NTRK3: variants seen among roughly 807,000 people sequenced by gnomAD.
NTRK3 encodes the protein NT-3 growth factor receptor.
Under a neutral mutation model 91.7 loss-of-function variants are expected in NTRK3, and 24 were observed. The ratio of observed to expected loss-of-function variants is 0.26; its 90% CI spans 0.19 to 0.37. NTRK3 has a LOEUF of 0.37. NTRK3 is among the 10% of genes least tolerant of loss of function. The pLI is 1.00. For missense variants in NTRK3, 880 were observed against 1,068.9 expected, an observed-to-expected ratio of 0.82 and a Z score of 2.46; for synonymous variants, 483 against 404.0, an observed-to-expected ratio of 1.20 and a Z score of -2.34.
chr15:88,213,055 T>C (rs564869613), intron 3 of NTRK3, among the ~76,000 whole-genome samples: 5 of 152,200 alleles, frequency 3.3e-5, no homozygotes, highest in Non-Finnish European at 7.3e-5. Context: ...GTTTAAGCCA[T>C]AGTAAAAATG....
At chr15:88,093,284 T>G (rs1040417774) in intron 13 of NTRK3, among the ~76,000 whole-genome samples, 1 of 152,028 alleles carries the variant, frequency 6.6e-6, no homozygotes, top group Non-Finnish European at 1.5e-5. Flanking sequence ...CAATTCTGTC[T>G]GCAGGGAGTG....
At chr15:88,175,241 C>A (rs947210637) in intron 5 of NTRK3, among the ~76,000 whole-genome samples, 1 of 152,196 alleles carries the variant, frequency 6.6e-6, no homozygotes, top group Non-Finnish European at 1.5e-5. Flanking sequence ...ATCTTCCCAA[C>A]AAGACGCCAG....
intron 13 of NTRK3, among the ~76,000 whole-genome samples, chr15:88,104,624 C>T (rs1472819339): frequency 2.0e-5 from 3 of 152,186 alleles, no homozygotes. Flanking sequence ...GTGTCTGCCC[C>T]TTCCTGGCTG....
chr15:88,078,851 G>T (rs1258548492), intron 13 of NTRK3, among the ~76,000 whole-genome samples: 1 of 152,244 alleles, frequency 6.6e-6, no homozygotes, highest in Non-Finnish European at 1.5e-5. Context: ...ACAGCAAAAA[G>T]GCTGATGTGG....
At chr15:87,931,331 GAA>G in intron 16 of NTRK3, 1 of 441,830 alleles carries the variant, frequency 2.3e-6, no homozygotes, top group South Asian at 1.7e-5. Flanking sequence ...CGAATATTGA[GAA>G]AGAGTGTTGC....
At chr15:87,880,096 T>C (rs183580262) in intron 18 of NTRK3, among the ~76,000 whole-genome samples, 174 bp downstream of exon 19, 5 of 151,934 alleles carry the variant, frequency 3.3e-5, no homozygotes, top group African/African-American at 1.2e-4. Context: ...CCACATTTCC[T>C]ACAGTTCCAT....
At chr15:87,883,792 T>C (rs1332191929) in intron 17 of NTRK3, among the ~76,000 whole-genome samples, 1 of 151,172 alleles carries the variant, frequency 6.6e-6, no homozygotes, top group Non-Finnish European at 1.5e-5. Flanking sequence ...AAAGTTGTCT[T>C]TGGGCAATTA....
intron 13 of NTRK3, among the ~76,000 whole-genome samples, chr15:88,108,255 C>T (rs1299038789): frequency 1.3e-5 from 2 of 152,338 alleles, no homozygotes; most frequent in East Asian, 3.9e-4. Flanking sequence ...CCCAAATACA[C>T]TCCTGCCATT....
At chr15:88,052,271 G>A (rs2080905435) in intron 13 of NTRK3, among the ~76,000 whole-genome samples, 1 of 152,244 alleles carries the variant, frequency 6.6e-6, no homozygotes, top group African/African-American at 2.4e-5. Context: ...GTCCTGGAGA[G>A]AGGCTGGGTG....
intron 3 of NTRK3, among the ~76,000 whole-genome samples, chr15:88,200,730 T>A (rs139982051): frequency 9.3e-4 from 141 of 152,306 alleles, no homozygotes; most frequent in African/African-American, 3.3e-3. Context: ...CTTTCCTTTA[T>A]AAATTACCCA....
chr15:87,888,525 C>G (rs1448810024), intron 17 of NTRK3, among the ~76,000 whole-genome samples: 1 of 152,170 alleles, frequency 6.6e-6, no homozygotes, highest in Non-Finnish European at 1.5e-5. Flanking sequence ...TCTCTGTGAA[C>G]TCTGAACCTT....
At chr15:88,206,425 G>A (rs1175124364) in intron 3 of NTRK3, among the ~76,000 whole-genome samples, 2 of 149,514 alleles carry the variant, frequency 1.3e-5, no homozygotes, top group Non-Finnish European at 3.0e-5. Flanking sequence ...TTGGAAGGCC[G>A]AGGCGGGCGG....
intron 14 of NTRK3, among the ~76,000 whole-genome samples, chr15:87,950,445 C>A (rs1304648118): frequency 6.6e-6 from 1 of 152,082 alleles, no homozygotes; most frequent in Non-Finnish European, 1.5e-5. Flanking sequence ...CAGCAGCACC[C>A]CCCAAAATAC....
intron 13 of NTRK3, among the ~76,000 whole-genome samples, chr15:88,113,409 G>C (rs1374883649): frequency 6.9e-6 from 1 of 144,226 alleles, no homozygotes; most frequent in Non-Finnish European, 1.5e-5. Context: ...TCTGCCTCCT[G>C]GGTTCAAGTG....
Position 87,891,286 on chromosome 15 carries a change from T to C in NTRK3, c.2134-10858A>G, listed in dbSNP as rs569658021. 4.9e-4 allele frequency among the ~76,000 whole-genome samples: 75 copies of C among 152,358 alleles called. 3 individuals are homozygous for C. In the South Asian group the frequency reaches 0.01, roughly 21 times the overall value. Reference sequence around the variant, plus strand: ...TTAAAGTCATTTGTAGTAGCTCCTTTCTGTGTGGTGAAGCCACCAGTGTAA... The same window carrying C: ...TTAAAGTCATTTGTAGTAGCTCCTTCCTGTGTGGTGAAGCCACCAGTGTAA... On this transcript the variant is annotated intron_variant, in intron 17 of 18. Coordinates refer to ENST00000394480, the Ensembl canonical transcript of NTRK3.
At chr15:87,895,406 G>A (rs2141602170) in intron 17 of NTRK3, among the ~76,000 whole-genome samples, 1 of 152,252 alleles carries the variant, frequency 6.6e-6, no homozygotes, top group East Asian at 1.9e-4. Flanking sequence ...TAAGGGGTCT[G>A]GGGAGTATGC....
intron 13 of NTRK3, among the ~76,000 whole-genome samples, chr15:88,090,972 A>G (rs1489397168): frequency 6.6e-6 from 1 of 152,196 alleles, no homozygotes; most frequent in African/African-American, 2.4e-5. Flanking sequence ...ACCTTCAAAA[A>G]AAAGAACAGC....
intron 14 of NTRK3, among the ~76,000 whole-genome samples, chr15:87,999,288 T>C (rs1392332764): frequency 6.6e-6 from 1 of 152,224 alleles, no homozygotes; most frequent in Non-Finnish European, 1.5e-5. Flanking sequence ...TGACAGCCTG[T>C]AACCTTTGAT....
At chr15:88,095,958 T>C (rs1490331807) in intron 13 of NTRK3, among the ~76,000 whole-genome samples, 1 of 152,200 alleles carries the variant, frequency 6.6e-6, no homozygotes, top group Admixed American at 6.5e-5. Context: ...TGGTCATTTG[T>C]CCATTTTTAG....
Sources: gnomAD v4.1 joint callset for allele counts (sites outside exome capture counted in the v4.1 genomes callset) on GRCh38, gnomAD v4.1.1 for gene constraint, MANE v1.5 for transcripts, NCBI Gene and HGNC (gene_info 2026-07-23, HGNC 2026-07-21) for gene names.